The following GPSM3 variants were observed in gnomAD, a reference collection of about 807,000 sequenced individuals.
The protein encoded by GPSM3 is G protein signaling modulator 3.
In GPSM3, 16 loss-of-function variants were observed where a neutral mutation model predicts 20.4. The observed-to-expected ratio is 0.78, with a 90% CI of 0.53 to 1.19. GPSM3 has a LOEUF of 1.19. GPSM3 is among the 50% of genes most tolerant of loss of function. GPSM3 has a pLI of 0.00. For synonymous variants in GPSM3, 70 were observed against 79.6 expected (o/e 0.88, Z 0.64); for missense variants, 177 against 204.6 (o/e 0.86, Z 0.82).
chr6:32,192,858 C>T (rs1787638411), upstream of GPSM3: 1 of 299,358 alleles, frequency 3.3e-6, no homozygotes. The surrounding 1 kb of genome is among the most constrained non-coding windows in gnomAD (Gnocchi z 5.1). Flanking sequence ...CAGTAGTCCC[C>T]TAATCCCTGG....
upstream of GPSM3, chr6:32,195,477 T>C (rs142575217): frequency 3.7e-6 from 6 of 1,611,594 alleles, no homozygotes; most frequent in Non-Finnish European, 5.1e-6. The surrounding 1 kb of genome is among the most constrained non-coding windows in gnomAD (Gnocchi z 5.4). Context: ...GGGCATTTCT[T>C]GGAGGGCTGG....
upstream of GPSM3, chr6:32,195,355 T>C: frequency 7.6e-7 from 1 of 1,320,336 alleles, no homozygotes; most frequent in Non-Finnish European, 1.0e-6. This position sits in a 1 kb window ranked among gnomAD's most constrained non-coding sequence, Gnocchi z 5.4. Context: ...TTTTGGGGGA[T>C]CCATCTTAAA....
chr6:32,192,678 C>G, upstream of GPSM3: 1 of 473,236 alleles, frequency 2.1e-6, no homozygotes, highest in Non-Finnish European at 3.8e-6. This position sits in a 1 kb window ranked among gnomAD's most constrained non-coding sequence, Gnocchi z 5.1. Context: ...AGCCCCCCCA[C>G]GGGCCCCGCC....
upstream of GPSM3, among the ~76,000 whole-genome samples, chr6:32,193,916 G>T (rs1787697323): frequency 6.6e-6 from 1 of 152,200 alleles, no homozygotes; most frequent in African/African-American, 2.4e-5. The surrounding 1 kb of genome is among the most constrained non-coding windows in gnomAD (Gnocchi z 4.7). Flanking sequence ...ATGTTAGGGA[G>T]TTTATAGCTG....
At chr6:32,195,072 G>T, upstream of GPSM3, 1 of 284,546 alleles carries the variant, frequency 3.5e-6, no homozygotes, top group Non-Finnish European at 6.6e-6. This position sits in a 1 kb window ranked among gnomAD's most constrained non-coding sequence, Gnocchi z 5.4. Context: ...TGGGCAGTGG[G>T]GACAATGGAT....
In GPSM3 at chr6:32,191,111, G is replaced by GATCC. The variant is rs2127452315; in HGVS notation, c.*251_*254dup. The GATCC allele has an allele frequency of 2.2e-6, 1 of 450,300 alleles. No individual in the cohort carries two copies. Among genetic ancestry groups the GATCC allele is most frequent in the South Asian group, 4.4e-5 (1 of 22,722 alleles). 27.9% of individuals were successfully genotyped at this position (450,300 alleles called of 1,614,324 possible). ...GCCACTCCTTGAGATGGGTGCCTGG[G>GATCC]ATCCCCCTTACTGCCTCAAGCTCCC... is the stretch of plus-strand genomic sequence containing the variant. On this transcript the variant is annotated 3_prime_UTR_variant, in exon 4 of 4. Coordinates refer to ENST00000375040, the MANE Select transcript of GPSM3 (RefSeq NM_001276501.2). This position sits in a 1 kb window ranked among gnomAD's most constrained non-coding sequence, Gnocchi z 5.9.
rs964502715 is a variant in GPSM3 at position 32,191,454 on chromosome 6, C to T, written c.395G>A (p.Gly132Glu). 9 of 1,586,920 alleles carry T rather than the reference C, an allele frequency of 5.7e-6. No homozygotes were observed. The highest frequency in any genetic ancestry group is 6.0e-6 in the Non-Finnish European group (7 of 1,168,162). Residue 132 changes from glycine to glutamate, a missense_variant, in exon 4 of 4, where the codon GGG (glycine) becomes GAG (glutamate). Gly to Glu is a moderately conservative substitution (Grantham distance 98, BLOSUM62 -2). Transcript: ENST00000375040. This position sits in a 1 kb window ranked among gnomAD's most constrained non-coding sequence, Gnocchi z 5.9. ...CAGCAGCAACTCCAGGAGCTCTTGC[C>T]CCCCTGGAGGGAGGGGAGGCTCTGA... Reference protein sequence around the residue: ...QRSEPPLPPGGQELLELLLRV... With the variant: ...QRSEPPLPPGEQELLELLLRV...
At position 32,191,763 on chromosome 6, in the gene GPSM3, T is replaced by A. The variant is rs1347264567; in HGVS notation, c.291A>T (p.Pro97=). 1.9e-6 allele frequency: 3 copies of A among 1,610,908 alleles called. No individual in the cohort carries two copies. The South Asian group carries it at 3.3e-5, about 18-fold the overall frequency. The change falls in exon 3 of 4, where the codon CCA becomes CCT. Residue 97 remains proline, a synonymous_variant. Coordinates refer to ENST00000375040, the MANE Select transcript of GPSM3 (RefSeq NM_001276501.2). The surrounding 1 kb of genome is among the most constrained non-coding windows in gnomAD (Gnocchi z 5.9). Reference sequence around the variant, plus strand: ...GTTCTCTGTCCTCGAGAGGACGGAGTGGGGCAGGGGCTAGGCTTGAGGGGT... The same window carrying A: ...GTTCTCTGTCCTCGAGAGGACGGAGAGGGGCAGGGGCTAGGCTTGAGGGGT... ...PQNPSSLAPA[P]LRPLEDREQL... is the part of the protein sequence containing the mutation.
At chr6:32,194,792 GTCAC>G (rs1370146598), upstream of GPSM3, 2 of 231,204 alleles carry the variant, frequency 8.7e-6, no homozygotes, top group African/African-American at 4.4e-5. This position sits in a 1 kb window ranked among gnomAD's most constrained non-coding sequence, Gnocchi z 4.5. Context: ...ACATTATGCA[GTCAC>G]TCCCATCTTT....
At chr6:32,192,738 GTC>G (rs377171916), upstream of GPSM3, 49 of 451,674 alleles carry the variant, frequency 1.1e-4, 1 homozygote, top group East Asian at 1.3e-3. The surrounding 1 kb of genome is among the most constrained non-coding windows in gnomAD (Gnocchi z 5.1). Flanking sequence ...AGCTTGTTCA[GTC>G]TCTCTCGCCC....
upstream of GPSM3, chr6:32,195,368 C>T (rs765980467): frequency 3.9e-4 from 561 of 1,445,454 alleles, no homozygotes; most frequent in Middle Eastern, 5.5e-4. The surrounding 1 kb of genome is among the most constrained non-coding windows in gnomAD (Gnocchi z 5.4). Flanking sequence ...ATCTTAAAAC[C>T]AGGAAGGCCT....
chr6:32,191,748 C>T lies in GPSM3; in HGVS notation c.306G>A (p.Glu102=). ...TAGTGCTGTAAAGCTGTTCTCTGTC[C>T]TCGAGAGGACGGAGTGGGGCAGGGG... ...SLAPAPLRPL[E]DREQLYSTIL... is the part of the protein sequence containing the mutation. Residue 102 remains glutamate, a synonymous_variant, in exon 3 of 4, where the codon GAG becomes GAA. Transcript: ENST00000375040. The surrounding 1 kb of genome is among the most constrained non-coding windows in gnomAD (Gnocchi z 5.9). 1 of 1,612,502 alleles carries T rather than the reference C, an allele frequency of 6.2e-7. No individual in the cohort carries two copies. The highest frequency in any genetic ancestry group is 8.5e-7 in the Non-Finnish European group (1 of 1,179,752).
rs1193633209 is a variant in GPSM3, at chr6:32,192,516, C to A, written c.-3G>T. On this transcript the variant is annotated 5_prime_UTR_variant, in exon 1 of 4. Coordinates refer to ENST00000375040, the MANE Select transcript of GPSM3 (RefSeq NM_001276501.2). The surrounding 1 kb of genome is among the most constrained non-coding windows in gnomAD (Gnocchi z 5.1). ...TCCTGGGGTCTCTCAGCCTCCATCC[C>A]CTAGAGGGGAGAAACTGGTGGGGGA... The A allele has an allele frequency of 1.3e-6, 2 of 1,586,044 alleles. No homozygotes were observed. Among genetic ancestry groups the A allele is most frequent in the Non-Finnish European group, 1.7e-6 (2 of 1,165,236 alleles).
In GPSM3 at chr6:32,192,174, G is replaced by T; in HGVS notation, c.119C>A (p.Pro40His). Reference sequence around the variant, plus strand: ...TGTGTGGCGGGTCCCTGGAGGAGGAGGGGATGGAGGAGCAGATCGCCAAGG... The same window carrying T: ...TGTGTGGCGGGTCCCTGGAGGAGGATGGGATGGAGGAGCAGATCGCCAAGG... ...TRPWRSAPPS[P>H]PPPGTRHTAL... Residue 40 changes from proline (P) to histidine (H), a missense_variant, in exon 2 of 4, where the codon CCT (proline) becomes CAT (histidine). By Grantham distance (77) the Pro-to-His change is moderately conservative. Coordinates refer to ENST00000375040, the MANE Select transcript of GPSM3 (RefSeq NM_001276501.2). The surrounding 1 kb of genome is among the most constrained non-coding windows in gnomAD (Gnocchi z 5.1). 3 of 1,511,912 alleles carry T rather than the reference G, an allele frequency of 2.0e-6. No individual in the cohort carries two copies. The East Asian group carries it at 6.9e-5, about 35-fold the overall frequency. 93.7% of individuals were successfully genotyped at this position (1,511,912 alleles called of 1,614,324 possible). A position where few individuals can be genotyped will look rare whatever the true frequency, so the allele number is the denominator to read the frequency against.
At position 32,192,409 on chromosome 6, in the gene GPSM3, C is replaced by T; in HGVS notation, c.42+63G>A. On this transcript the variant is annotated intron_variant, in intron 1 of 3. Coordinates refer to ENST00000375040, the MANE Select transcript of GPSM3 (RefSeq NM_001276501.2). The surrounding 1 kb of genome is among the most constrained non-coding windows in gnomAD (Gnocchi z 5.1). The stretch of plus-strand genomic sequence containing the variant: ...GGCCCCTGTGTCCCTACATTTCTGC[C>T]CCAGGTCCTCTCACCTCCCTTCTTT... 6.6e-7 allele frequency: 1 copy of T among 1,525,838 alleles called. No homozygotes were observed. The allele number at this position is 1,525,838 out of a possible 1,614,324, so 94.5% of individuals were successfully genotyped here. A position where few individuals can be genotyped will look rare whatever the true frequency, so the allele number is the denominator to read the frequency against.
At chr6:32,192,723 C>G, upstream of GPSM3, 1 of 458,304 alleles carries the variant, frequency 2.2e-6, no homozygotes, top group South Asian at 4.0e-5. This position sits in a 1 kb window ranked among gnomAD's most constrained non-coding sequence, Gnocchi z 5.1. Flanking sequence ...TCTTCCCACC[C>G]AAACAGCTTG....
In GPSM3 at chr6:32,191,983, G is replaced by C. The variant is rs1263104273; in HGVS notation, c.146-75C>G. ...AGGAGCCGTGGGGGAGTGTGGACAGGGTGACGTGATTAGGGACTTTGGATC... is the reference window on the plus strand; with the variant it reads ...AGGAGCCGTGGGGGAGTGTGGACAGCGTGACGTGATTAGGGACTTTGGATC... On this transcript the variant is annotated intron_variant, in intron 2 of 3. Transcript: ENST00000375040. The surrounding 1 kb of genome is among the most constrained non-coding windows in gnomAD (Gnocchi z 5.9). 7.0e-7 allele frequency: 1 copy of C among 1,435,580 alleles called. No homozygotes were observed. The highest frequency in any genetic ancestry group is 1.4e-5 in the African/African-American group (1 of 71,270). 88.9% of individuals were successfully genotyped at this position (1,435,580 alleles called of 1,614,324 possible). A position where few individuals can be genotyped will look rare whatever the true frequency, so the allele number is the denominator to read the frequency against.
Position 32,191,477 on chromosome 6 carries a change from T to A in GPSM3, c.372A>T (p.Ser124=). The change falls in exon 4 of 4, where the codon TCA becomes TCT. Residue 124 remains serine (S), a synonymous_variant. Coordinates refer to ENST00000375040, the MANE Select transcript of GPSM3 (RefSeq NM_001276501.2). The surrounding 1 kb of genome is among the most constrained non-coding windows in gnomAD (Gnocchi z 5.9). ...GCCCCCCTGGAGGGAGGGGAGGCTC[T>A]GACCGCTGGGCTTCCATCCGCTGGC... ...HQCQRMEAQR[S]EPPLPPGGQE... 1 of 1,575,596 alleles carries A rather than the reference T, an allele frequency of 6.3e-7. No individual in the cohort carries two copies. The highest frequency in any genetic ancestry group is 1.2e-5 in the South Asian group (1 of 86,642).
At chr6:32,194,402 C>G (rs1012444143), upstream of GPSM3, 3 of 152,146 alleles carry the variant, frequency 2.0e-5, no homozygotes, top group African/African-American at 7.2e-5. The surrounding 1 kb of genome is among the most constrained non-coding windows in gnomAD (Gnocchi z 4.5). Context: ...TGTTCCACCC[C>G]AGATCATTAG....
Sources: allele counts gnomAD v4.1 joint callset (sites outside exome capture counted in the v4.1 genomes callset), GRCh38; gene constraint gnomAD v4.1.1; non-coding constraint Gnocchi (gnomAD v3.1); transcripts MANE v1.5; gene names NCBI Gene and HGNC (gene_info 2026-07-23, HGNC 2026-07-21).